The following MBNL2 variants were observed in gnomAD, a reference collection of about 807,000 sequenced individuals.
MBNL2 encodes the protein muscleblind-like protein 2.
In MBNL2, 17 loss-of-function variants were observed where a neutral mutation model predicts 41.9. The observed-to-expected ratio is 0.41, with a 90% CI of 0.28 to 0.61. The LOEUF is 0.61. MBNL2 is among the 20% of genes least tolerant of loss of function. MBNL2 has a pLI of 0.35. For synonymous variants in MBNL2, 195 were observed against 182.9 expected (o/e 1.07, Z -0.53); for missense variants, 336 against 505.6 (o/e 0.66, Z 3.22).
chr13:97,210,461 G>A, the MBNL2 span, among the ~76,000 whole-genome samples: 1 of 149,974 alleles, frequency 6.7e-6, no homozygotes, highest in Non-Finnish European at 1.5e-5. Flanking sequence ...CCAAAGTGTA[G>A]TATGTATGTG....
the MBNL2 span, among the ~76,000 whole-genome samples, chr13:97,149,239 G>T: frequency 6.6e-6 from 1 of 152,282 alleles, no homozygotes; most frequent in African/African-American, 2.4e-5. Context: ...ATTAAATGAT[G>T]ATATGTTCGG....
At chr13:97,177,524 AAAAAG>A in the MBNL2 span, among the ~76,000 whole-genome samples, 1 of 152,174 alleles carries the variant, frequency 6.6e-6, no homozygotes, top group African/African-American at 2.4e-5. Flanking sequence ...CAAAAAGACA[AAAAAG>A]AAAAGGCAAA....
At chr13:97,267,747 C>T (rs1365783447) in intron 1 of MBNL2, among the ~76,000 whole-genome samples, 3 of 152,224 alleles carry the variant, frequency 2.0e-5, no homozygotes, top group African/African-American at 7.2e-5. Flanking sequence ...TTCTGTGAGT[C>T]TGGCTGTTTT....
chr13:97,160,234 A>G, the MBNL2 span, among the ~76,000 whole-genome samples: 1 of 152,212 alleles, frequency 6.6e-6, no homozygotes, highest in Non-Finnish European at 1.5e-5. Context: ...AGCCAATTAC[A>G]TCATTTCAGC....
the MBNL2 span, among the ~76,000 whole-genome samples, chr13:97,194,484 T>G: frequency 2.0e-5 from 3 of 152,304 alleles, no homozygotes; most frequent in Non-Finnish European, 2.9e-5. Context: ...AACATCTCTT[T>G]GTATAATCCT....
At chr13:97,229,690 A>G (rs1028893566) in intron 1 of MBNL2, among the ~76,000 whole-genome samples, 6 of 152,140 alleles carry the variant, frequency 3.9e-5, no homozygotes, top group African/African-American at 1.2e-4. Flanking sequence ...ATGAAGTGTT[A>G]GGGTGCAGTG....
chr13:97,248,902 C>G (rs2045998155), intron 1 of MBNL2, among the ~76,000 whole-genome samples: 1 of 152,054 alleles, frequency 6.6e-6, no homozygotes, highest in African/African-American at 2.4e-5. Context: ...AAATGTTATG[C>G]AAATTTTACT....
intron 8 of MBNL2, among the ~76,000 whole-genome samples, chr13:97,378,678 T>G (rs1219766952): frequency 6.6e-6 from 1 of 152,168 alleles, no homozygotes; most frequent in African/African-American, 2.4e-5. Context: ...CAAGTTTATT[T>G]CCAACATACG....
chr13:97,192,832 G>A, the MBNL2 span, among the ~76,000 whole-genome samples: 1 of 152,242 alleles, frequency 6.6e-6, no homozygotes, highest in East Asian at 1.9e-4. Flanking sequence ...TAAAAAGGAA[G>A]TGAAGTCAAG....
At chr13:97,234,460 A>G (rs1179072686) in intron 1 of MBNL2, among the ~76,000 whole-genome samples, 3 of 152,116 alleles carry the variant, frequency 2.0e-5, no homozygotes, top group Non-Finnish European at 1.5e-5. Flanking sequence ...GGGGCTCTTT[A>G]ACTTCTCTCA....
intron 2 of MBNL2, among the ~76,000 whole-genome samples, chr13:97,279,705 T>A (rs927714486): frequency 6.6e-6 from 1 of 152,242 alleles, no homozygotes; most frequent in Non-Finnish European, 1.5e-5. Flanking sequence ...TATGTTGGCC[T>A]ATCAGTATGG....
intron 2 of MBNL2, among the ~76,000 whole-genome samples, chr13:97,284,671 C>CA (rs1309669423): frequency 6.6e-6 from 1 of 152,108 alleles, no homozygotes; most frequent in East Asian, 1.9e-4. Flanking sequence ...ATCAGAAATT[C>CA]AACACTGTAG....
intron 8 of MBNL2, among the ~76,000 whole-genome samples, chr13:97,383,287 T>C (rs2153162429): frequency 6.6e-6 from 1 of 152,348 alleles, no homozygotes; most frequent in East Asian, 1.9e-4. Context: ...TAGATGTTTT[T>C]ACATGTGACA....
intron 1 of MBNL2, among the ~76,000 whole-genome samples, chr13:97,253,556 C>A (rs2046973146): frequency 6.6e-6 from 1 of 152,140 alleles, no homozygotes; most frequent in Non-Finnish European, 1.5e-5. Context: ...CCTTTTCATT[C>A]ATTACCAAAG....
chr13:97,318,393 T>C (rs2059229679), intron 2 of MBNL2, among the ~76,000 whole-genome samples: 1 of 152,156 alleles, frequency 6.6e-6, no homozygotes, highest in African/African-American at 2.4e-5. Flanking sequence ...ATCATTCATC[T>C]CCTCAGGCCT....
chr13:97,392,127 C>G lies in MBNL2; in HGVS notation c.*678C>G, dbSNP rs1051524537. On this transcript the variant is annotated 3_prime_UTR_variant, in exon 9 of 9. Transcript: ENST00000679496. The stretch of plus-strand genomic sequence containing the variant: ...TTTTAAAGTTGTTTTATAAGAGAGA[C>G]TTTGTAGAAGTGCCTAGATTTTGCC... 6.6e-6 allele frequency: 1 copy of G among 152,640 alleles called. No individual in the cohort carries two copies. The highest frequency in any genetic ancestry group is 2.4e-5 in the African/African-American group (1 of 41,462). 9.5% of individuals were successfully genotyped at this position (152,640 alleles called of 1,614,324 possible).
chr13:97,351,517 C>CAGTAAA (rs2062452694), intron 5 of MBNL2, among the ~76,000 whole-genome samples: 1 of 152,204 alleles, frequency 6.6e-6, no homozygotes, highest in African/African-American at 2.4e-5. Flanking sequence ...TTTACTGTGG[C>CAGTAAA]CACCTTCATC....
At chr13:97,245,017 AT>A (rs1230806473) in intron 1 of MBNL2, among the ~76,000 whole-genome samples, 3 of 152,216 alleles carry the variant, frequency 2.0e-5, no homozygotes, top group African/African-American at 7.2e-5. Context: ...AGAGATAAGA[AT>A]GATTTATAAG....
intron 2 of MBNL2, among the ~76,000 whole-genome samples, chr13:97,329,682 A>AT (rs2060230228): frequency 6.6e-6 from 1 of 151,068 alleles, no homozygotes; most frequent in Non-Finnish European, 1.5e-5. Context: ...CAACATACAC[A>AT]ACACACACAA....
Sources: allele counts gnomAD v4.1 joint callset (sites outside exome capture counted in the v4.1 genomes callset), GRCh38; gene constraint gnomAD v4.1.1; transcripts MANE v1.5; gene names NCBI Gene and HGNC (gene_info 2026-07-23, HGNC 2026-07-21).